The following GRIA1 variants were observed in gnomAD, a reference collection of about 807,000 sequenced individuals.
The protein encoded by GRIA1 is glutamate ionotropic receptor AMPA type subunit 1.
A neutral mutation model predicts 99.2 loss-of-function variants in GRIA1; 31 were observed. The ratio of observed to expected loss-of-function variants is 0.31; its 90% confidence interval spans 0.23 to 0.42. GRIA1 has a LOEUF of 0.42. Among genes scored for constraint, GRIA1 ranks in the 10% least tolerant of loss-of-function variants. GRIA1 has a pLI of 1.00. For missense variants in GRIA1, 782 were observed against 1,157.5 expected (o/e 0.68, Z 4.71); for synonymous variants, 438 against 432.4 (o/e 1.01, Z -0.16).
At chr5:153,611,620 T>C (rs1765991668) in intron 2 of GRIA1, among the ~76,000 whole-genome samples, 1 of 152,210 alleles carries the variant, frequency 6.6e-6, no homozygotes, top group Non-Finnish European at 1.5e-5. Context: ...AGATGCATAA[T>C]TGTTGGCTCT....
intron 2 of GRIA1, among the ~76,000 whole-genome samples, chr5:153,637,746 G>T (rs1753479362): frequency 2.0e-5 from 3 of 152,174 alleles, no homozygotes; most frequent in African/African-American, 7.2e-5. Flanking sequence ...AGCTAACAGG[G>T]AGTGATCAAG....
chr5:153,747,359 A>AAGTC (rs1762224339), intron 11 of GRIA1, among the ~76,000 whole-genome samples: 1 of 152,162 alleles, frequency 6.6e-6, no homozygotes, highest in Non-Finnish European at 1.5e-5. Flanking sequence ...GGAGGGCACC[A>AAGTC]AGTCATTCAA....
At chr5:153,579,253 C>G (rs1762837903) in intron 2 of GRIA1, among the ~76,000 whole-genome samples, 1 of 152,152 alleles carries the variant, frequency 6.6e-6, no homozygotes, top group South Asian at 2.1e-4. Flanking sequence ...AAACCCTATG[C>G]TAATAAAAGA....
rs1392501891 is a variant in GRIA1 at position 153,813,286 on chromosome 5, T to C, written c.*2061T>C. On this transcript the variant is annotated 3_prime_UTR_variant, in exon 16 of 16. Coordinates refer to ENST00000285900, the MANE Select transcript of GRIA1 (RefSeq NM_000827.4). ...TTCAGCCTACCACTGCAGAATCCGA[T>C]GTGACCCACCATTAGGGAGTCTGCA... The C allele has an allele frequency of 2.0e-5, 3 of 152,374 alleles. No homozygotes were observed. In the East Asian group the frequency reaches 5.8e-4, roughly 29 times the overall value. The allele number at this position is 152,374 out of a possible 1,614,324, so 9.4% of individuals were successfully genotyped here.
intron 2 of GRIA1, among the ~76,000 whole-genome samples, chr5:153,564,439 C>T (rs977939885): frequency 6.6e-6 from 1 of 152,174 alleles, no homozygotes; most frequent in Non-Finnish European, 1.5e-5. Flanking sequence ...CCCCCAAACT[C>T]GGTGACTTTC....
chr5:153,666,726 A>T (rs1376944300), intron 5 of GRIA1, among the ~76,000 whole-genome samples: 1 of 152,226 alleles, frequency 6.6e-6, no homozygotes, highest in African/African-American at 2.4e-5. Context: ...GATTGCTATG[A>T]GGATTAAATG....
intron 6 of GRIA1, among the ~76,000 whole-genome samples, chr5:153,674,924 C>T (rs549720993): frequency 2.0e-5 from 3 of 152,218 alleles, no homozygotes; most frequent in Admixed American, 1.3e-4. Flanking sequence ...AAAATGGCTC[C>T]ACAGTTATCA....
chr5:153,538,767 T>C (rs1368970037), intron 2 of GRIA1, among the ~76,000 whole-genome samples: 6 of 152,192 alleles, frequency 3.9e-5, no homozygotes, highest in Admixed American at 3.3e-4. Context: ...CTTTACCAAT[T>C]GATTTAGAGG....
intron 2 of GRIA1, among the ~76,000 whole-genome samples, chr5:153,599,161 C>T (rs1369915610): frequency 6.6e-6 from 1 of 152,212 alleles, no homozygotes; most frequent in East Asian, 1.9e-4. Flanking sequence ...GGATTACAGG[C>T]ATGAGCCACT....
chr5:153,719,550 T>G (rs1289765753), intron 11 of GRIA1, among the ~76,000 whole-genome samples: 1 of 152,060 alleles, frequency 6.6e-6, no homozygotes, highest in African/African-American at 2.4e-5. Flanking sequence ...CTGGCTCCTC[T>G]GTGGGCTTCC....
intron 2 of GRIA1, among the ~76,000 whole-genome samples, chr5:153,540,202 C>T (rs2113483047): frequency 6.6e-6 from 1 of 152,322 alleles, no homozygotes; most frequent in East Asian, 1.9e-4. Context: ...CAGGGCCAGC[C>T]AGATCGGGCA....
chr5:153,552,456 TAC>T (rs1391988688), intron 2 of GRIA1, among the ~76,000 whole-genome samples: 39 of 152,114 alleles, frequency 2.6e-4, no homozygotes, highest in Non-Finnish European at 4.6e-4. Flanking sequence ...TTCACAGACT[TAC>T]AGAGTTTGAA....
At chr5:153,712,299 C>T (rs1759369155) in intron 11 of GRIA1, among the ~76,000 whole-genome samples, 1 of 152,306 alleles carries the variant, frequency 6.6e-6, no homozygotes, top group East Asian at 1.9e-4. Context: ...ATCTGCCCAC[C>T]TCAGACTCCC....
chr5:153,525,273 A>G (rs1757491758), intron 2 of GRIA1: 1 of 152,236 alleles, frequency 6.6e-6, no homozygotes, highest in Non-Finnish European at 1.5e-5. Flanking sequence ...AAGTGTCACA[A>G]CTCAGGACTG....
Position 153,688,238 on chromosome 5 carries a change from C to T in GRIA1, c.1134+1909C>T, listed in dbSNP as rs1757474556. On this transcript the variant is annotated intron_variant, in intron 8 of 15. Transcript: ENST00000285900. ...ACTTACAGCAGGTACCAAATAAGGG[C>T]ACCCTATTTGGCTATGAATGTAGCC... Among the ~76,000 whole-genome samples, 3 of 152,284 alleles carry T rather than the reference C, an allele frequency of 2.0e-5. No homozygotes were observed. The South Asian group carries it at 6.2e-4, about 32-fold the overall frequency.
At chr5:153,603,783 C>T (rs895963826) in intron 2 of GRIA1, among the ~76,000 whole-genome samples, 3 of 152,164 alleles carry the variant, frequency 2.0e-5, no homozygotes, top group African/African-American at 4.8e-5. Context: ...CACCGCCTAG[C>T]TACGTTCTTG....
intron 5 of GRIA1, among the ~76,000 whole-genome samples, chr5:153,664,583 A>G (rs1755612060): frequency 6.6e-6 from 1 of 151,566 alleles, no homozygotes; most frequent in Non-Finnish European, 1.5e-5. Context: ...GTTTGGGTCC[A>G]CTCATTTTGC....
chr5:153,518,598 A>C (rs1756841568), intron 2 of GRIA1, among the ~76,000 whole-genome samples: 2 of 152,244 alleles, frequency 1.3e-5, no homozygotes, highest in Admixed American at 1.3e-4. Flanking sequence ...GATTAAAAGT[A>C]TGATAATGTA....
intron 2 of GRIA1, among the ~76,000 whole-genome samples, chr5:153,568,131 T>C (rs1462558664): frequency 6.6e-6 from 1 of 152,230 alleles, no homozygotes; most frequent in African/African-American, 2.4e-5. Flanking sequence ...GGTCTTTCTA[T>C]TAAACACGGG....
Sources: gnomAD v4.1 joint callset for allele counts (sites outside exome capture counted in the v4.1 genomes callset) on GRCh38, gnomAD v4.1.1 for gene constraint, MANE v1.5 for transcripts, NCBI Gene and HGNC (gene_info 2026-07-23, HGNC 2026-07-21) for gene names.